The following ELAC2 variants were observed in gnomAD, a reference collection of about 807,000 sequenced individuals.
ELAC2 encodes elaC ribonuclease Z 2, also known as zinc phosphodiesterase ELAC protein 2.
A neutral mutation model predicts 105.2 loss-of-function variants in ELAC2; 92 were observed. The ratio of observed to expected loss-of-function variants is 0.87; its 90% CI spans 0.74 to 1.04. The LOEUF (loss-of-function observed/expected upper bound fraction) is 1.04. Ranked by LOEUF, ELAC2 falls within the 50% of genes least tolerant of loss-of-function variation. The pLI, the probability that ELAC2 is intolerant of heterozygous loss-of-function variation, is 0.00. For missense variants in ELAC2, 1,099 were observed against 1,071.7 expected (o/e 1.03, Z -0.36); for synonymous variants, 468 against 409.1 (o/e 1.14, Z -1.74).
intron 14 of ELAC2, among the ~76,000 whole-genome samples, chr17:13,002,044 CA>C (rs1480713318): frequency 6.6e-6 from 1 of 152,216 alleles, no homozygotes; most frequent in Non-Finnish European, 1.5e-5. Context: ...CCGCCCACCT[CA>C]ACCCAGCCTG....
chr17:13,016,645 T>C (rs2041739000), intron 3 of ELAC2, among the ~76,000 whole-genome samples: 1 of 147,444 alleles, frequency 6.8e-6, no homozygotes, highest in Non-Finnish European at 1.5e-5. Flanking sequence ...CCAGGTGTGA[T>C]GGGGCACACG....
In ELAC2 at chr17:13,005,831, A is replaced by G. The variant is rs779971634; in HGVS notation, c.798-6T>C. On this transcript the variant is annotated splice_polypyrimidine_tract_variant and splice_region_variant and intron_variant, in intron 9 of 23. Coordinates refer to ENST00000338034, the MANE Select transcript of ELAC2 (RefSeq NM_018127.7). ...GAGCGATGGCAGCTGTCCCACTGAA[A>G]TGAAGAGGCAAGGCCTCTGTGAAAT... is the stretch of plus-strand genomic sequence containing the variant. The G allele has an allele frequency of 6.2e-7, 1 of 1,614,182 alleles. No homozygotes were observed. The highest frequency in any genetic ancestry group is 8.5e-7 in the Non-Finnish European group (1 of 1,180,032).
At chr17:13,012,899 G>GTACCC (rs2041497671) in intron 6 of ELAC2, among the ~76,000 whole-genome samples, 1 of 152,106 alleles carries the variant, frequency 6.6e-6, no homozygotes, top group African/African-American at 2.4e-5. Flanking sequence ...GATCAAAAGA[G>GTACCC]GGTATTACGC....
chr17:12,991,943 G>C lies in ELAC2; in HGVS notation c.*875C>G, dbSNP rs368415046. Among the ~76,000 whole-genome samples the C allele has an allele frequency of 7.4e-4, 112 of 152,248 alleles. No homozygotes were observed. Among genetic ancestry groups the C allele is most frequent in the African/African-American group, 2.5e-3 (103 of 41,526 alleles). On this transcript the variant is annotated 3_prime_UTR_variant, in exon 24 of 24. Coordinates refer to ENST00000338034, the MANE Select transcript of ELAC2 (RefSeq NM_018127.7). ...TCCACGTCTGTAAATCCCGCAAGGA[G>C]GACAATGGAAACCAGCCCCGTGTGC...
Position 12,992,773 on chromosome 17 carries a change from G to A in ELAC2, c.*45C>T, listed in dbSNP as rs1272056148. 1 of 1,605,408 alleles carries A rather than the reference G, an allele frequency of 6.2e-7. No individual in the cohort carries two copies. The highest frequency in any genetic ancestry group is 8.5e-7 in the Non-Finnish European group (1 of 1,172,838). On this transcript the variant is annotated 3_prime_UTR_variant, in exon 24 of 24. Coordinates refer to ENST00000338034, the MANE Select transcript of ELAC2 (RefSeq NM_018127.7). ...GAGGGCAGATACGGGTGCGTGCGTG[G>A]GGCAGAAGACACACAGCCTTCTGAG... is the stretch of plus-strand genomic sequence containing the variant.
Position 13,004,985 on chromosome 17 carries a change from T to C in ELAC2, c.983+4A>G, listed in dbSNP as rs1386427173. On this transcript the variant is annotated splice_donor_region_variant and intron_variant, in intron 11 of 23. Transcript: ENST00000338034. ...CTTCTCCCACCCTAGAGACCCCTCA[T>C]TACCTCTGAAAGGTGGCATTCTCAC... The C allele has an allele frequency of 5.6e-6, 9 of 1,609,760 alleles. No homozygotes were observed. The highest frequency in any genetic ancestry group is 7.7e-6 in the Non-Finnish European group (9 of 1,176,104).
intron 10 of ELAC2, among the ~76,000 whole-genome samples, chr17:13,005,508 G>A (rs2041049733): frequency 2.0e-5 from 3 of 152,164 alleles, no homozygotes; most frequent in African/African-American, 7.2e-5. Context: ...AGGAAAGCAT[G>A]CACCCTTTAA....
At position 12,995,035 on chromosome 17, in the gene ELAC2, T is replaced by C; in HGVS notation, c.1836A>G (p.Glu612=). The stretch of plus-strand genomic sequence containing the variant: ...CTGCAGGACTGGAGATCTCAGCCCC[T>C]TCCTGAAGGCATTTGGCAGGAATCA... ...ISMIPAKCLQ[E]GAEISSPAVE... The change falls in exon 20 of 24, where the codon GAA becomes GAG. Residue 612 remains glutamate (E), a synonymous_variant. Transcript: ENST00000338034. 6.2e-7 allele frequency: 1 copy of C among 1,614,198 alleles called. No homozygotes were observed. The highest frequency in any genetic ancestry group is 8.5e-7 in the Non-Finnish European group (1 of 1,180,034).
At chr17:13,010,173 C>T (rs62058145) in intron 8 of ELAC2, among the ~76,000 whole-genome samples, 78,505 of 140,706 alleles carry the variant, frequency 0.56, 21,713 homozygotes, top group Non-Finnish European at 0.68. Context: ...TCATTTCTAT[C>T]GAATTTTTTT....
intron 8 of ELAC2, among the ~76,000 whole-genome samples, chr17:13,008,441 G>A (rs188656313): frequency 3.3e-4 from 50 of 152,176 alleles, no homozygotes; most frequent in African/African-American, 1.2e-3. Context: ...GACCCTGGGA[G>A]GCAGAGGTTG....
At position 13,002,518 on chromosome 17, in the gene ELAC2, G is replaced by C; in HGVS notation, c.1141C>G (p.Arg381Gly). The change falls in exon 13 of 24, where the codon CGC becomes GGC. Residue 381 changes from arginine to glycine, a missense_variant. Arg to Gly is a moderately radical substitution (Grantham distance 125). Transcript: ENST00000338034. ...NENCASVHNL[R>G]SHKIQTQLNL... ...AGCTGGGTTTGAATCTTGTGGCTGC[G>C]AAGGTTGTGAACTGAGGCACAGTTC... 6.2e-7 allele frequency: 1 copy of C among 1,605,428 alleles called. No individual in the cohort carries two copies. The highest frequency in any genetic ancestry group is 8.5e-7 in the Non-Finnish European group (1 of 1,175,298).
At chr17:12,996,311 G>T (rs2040467060) in intron 17 of ELAC2, 1 of 666,570 alleles carries the variant, frequency 1.5e-6, no homozygotes, top group Non-Finnish European at 2.6e-6. Flanking sequence ...CTCAAGGAAG[G>T]CTGGGTAAAC....
rs763673924 is a variant in ELAC2, at chr17:13,000,148, C to T, written c.1423+8G>A. ...GAAAGAAAGGCTGCTCTGTGGGCTC[C>T]CACTCACCTGCTGGGGCTGGGCCGT... On this transcript the variant is annotated splice_region_variant and intron_variant, in intron 15 of 23. Coordinates refer to ENST00000338034, the MANE Select transcript of ELAC2 (RefSeq NM_018127.7). The T allele has an allele frequency of 5.0e-6, 8 of 1,612,160 alleles. No individual in the cohort carries two copies. The African/African-American group carries it at 9.3e-5, about 19-fold the overall frequency.
In ELAC2 at chr17:12,992,451, AC is replaced by A. The variant is rs1370272085; in HGVS notation, c.*366del. 1 of 419,850 alleles carries A rather than the reference AC, an allele frequency of 2.4e-6. No homozygotes were observed. The highest frequency in any genetic ancestry group is 4.4e-6 in the Non-Finnish European group (1 of 227,208). The allele number at this position is 419,850 out of a possible 1,614,324, so 26.0% of individuals were successfully genotyped here. A position where few individuals can be genotyped will look rare whatever the true frequency, so the allele number is the denominator to read the frequency against. Reference sequence around the variant, plus strand: ...TTTTCGTTAAGTCTCGGACACTTAGACCCACTGATCCTGTTACTCTGCTTGT... The same window carrying A: ...TTTTCGTTAAGTCTCGGACACTTAGACCACTGATCCTGTTACTCTGCTTGT... On this transcript the variant is annotated 3_prime_UTR_variant, in exon 24 of 24. Coordinates refer to ENST00000338034, the MANE Select transcript of ELAC2 (RefSeq NM_018127.7).
Position 13,002,343 on chromosome 17 carries a change from A to G in ELAC2, c.1235T>C (p.Leu412Pro), listed in dbSNP as rs781143257. Residue 412 changes from leucine (L) to proline (P), a missense_variant, in exon 14 of 24, where the codon CTC (leucine) becomes CCC (proline). Leu to Pro is a moderately conservative substitution (Grantham distance 98). Transcript: ENST00000338034. ...TTCACCCTGAACCATGGGCACACTGAGGGTGGGGCCCTCCTTCTGAAAGAG... is the reference window on the plus strand; with the variant it reads ...TTCACCCTGAACCATGGGCACACTGGGGGTGGGGCCCTCCTTCTGAAAGAG... The part of the protein sequence containing the change: ...SFRCKKEGPT[L>P]SVPMVQGECL... The G allele has an allele frequency of 6.2e-7, 1 of 1,614,142 alleles. No individual in the cohort carries two copies. Among genetic ancestry groups the G allele is most frequent in the South Asian group, 1.1e-5 (1 of 91,078 alleles).
chr17:13,009,857 C>T (rs925449015), intron 8 of ELAC2, among the ~76,000 whole-genome samples: 1 of 151,896 alleles, frequency 6.6e-6, no homozygotes, highest in Non-Finnish European at 1.5e-5. Flanking sequence ...GGTGTGGTGG[C>T]GCGCACCTAT....
At chr17:13,008,139 G>A (rs1364297099) in intron 8 of ELAC2, among the ~76,000 whole-genome samples, 1 of 151,936 alleles carries the variant, frequency 6.6e-6, no homozygotes, top group Non-Finnish European at 1.5e-5. Context: ...GGCAGAGGTT[G>A]CAGTAAGTCG....
chr17:13,002,853 A>C, intron 12 of ELAC2: 1 of 499,488 alleles, frequency 2.0e-6, no homozygotes, highest in Non-Finnish European at 3.6e-6. Context: ...AGGGGACCCA[A>C]ACCCTGAGGA....
intron 5 of ELAC2, 123 bp downstream of exon 5, chr17:13,014,313 ATCT>A: frequency 1.4e-6 from 1 of 701,026 alleles, no homozygotes; most frequent in Non-Finnish European, 2.4e-6. Context: ...AAAAAAAAAA[ATCT>A]CGTGGTGATG....
Sources: allele counts gnomAD v4.1 joint callset (sites outside exome capture counted in the v4.1 genomes callset), GRCh38; gene constraint gnomAD v4.1.1; transcripts MANE v1.5; gene names NCBI Gene and HGNC (gene_info 2026-07-23, HGNC 2026-07-21).